Variants in PFKL observed in about 807,000 individuals in gnomAD.
PFKL encodes the protein ATP-dependent 6-phosphofructokinase, liver type.
In PFKL, 74 loss-of-function variants were observed where a neutral mutation model predicts 92.1. The observed-to-expected ratio is 0.80, with a 90% CI of 0.67 to 0.97. The LOEUF is 0.97. PFKL is among the 50% of genes least tolerant of loss of function. The pLI is 0.00. For missense variants in PFKL, 1,028 were observed against 1,116.6 expected, an observed-to-expected ratio of 0.92 and a Z score of 1.13; for synonymous variants, 494 against 456.4, an observed-to-expected ratio of 1.08 and a Z score of -1.05.
At position 44,305,203 on chromosome 21, in the gene PFKL, A is replaced by G. The variant is rs975551484; in HGVS notation, c.86-1478A>G. 11 of 1,234,228 alleles carry G rather than the reference A, an allele frequency of 8.9e-6. No homozygotes were observed. The African/African-American group carries it at 1.7e-4, about 19-fold the overall frequency. 76.5% of individuals were successfully genotyped at this position (1,234,228 alleles called of 1,614,324 possible). A position where few individuals can be genotyped will look rare whatever the true frequency, so the allele number is the denominator to read the frequency against. On this transcript the variant is annotated intron_variant, in intron 1 of 21. Coordinates refer to ENST00000349048, the MANE Select transcript of PFKL (RefSeq NM_002626.6). Reference sequence around the variant, plus strand: ...ATTCCTGTAGTGTGGGGATGGTGGCAGATACTCTGGCTGCTACGTGAGAAC... The same window carrying G: ...ATTCCTGTAGTGTGGGGATGGTGGCGGATACTCTGGCTGCTACGTGAGAAC...
Position 44,327,105 on chromosome 21 carries a change from C to G in PFKL, c.*243C>G, listed in dbSNP as rs1277496613. 1.8e-6 allele frequency: 1 copy of G among 560,744 alleles called. No homozygotes were observed. Among genetic ancestry groups the G allele is most frequent in the Non-Finnish European group, 3.2e-6 (1 of 311,810 alleles). The allele number at this position is 560,744 out of a possible 1,614,324, so 34.7% of individuals were successfully genotyped here. On this transcript the variant is annotated 3_prime_UTR_variant, in exon 22 of 22. Transcript: ENST00000349048. ...GTGCCCTGGGGCATCCACCTTCCTGCCCAGGGGACGTGGCGCTGTCGGTGT... is the reference window on the plus strand; with the variant it reads ...GTGCCCTGGGGCATCCACCTTCCTGGCCAGGGGACGTGGCGCTGTCGGTGT...
At chr21:44,325,346 TCACGGGCACC>T (rs202246110) in intron 19 of PFKL, 82 bp downstream of exon 19, 21,189 of 974,306 alleles carry the variant, frequency 0.022, 389 homozygotes, top group Non-Finnish European at 0.025. Context: ...GTCCCAGCCC[TCACGGGCACC>T]CACGGGCACT....
chr21:44,303,440 A>AAAAAAAAGACTTGATC (rs1601988579), intron 1 of PFKL, among the ~76,000 whole-genome samples: 1 of 68,714 alleles, frequency 1.5e-5, no homozygotes, highest in Non-Finnish European at 2.6e-5. Context: ...GACCAAAAAA[A>AAAAAAAAGACTTGATC]AAAAAAAAAA....
In PFKL at chr21:44,319,392, C is replaced by G; in HGVS notation, c.1104C>G (p.Asp368Glu). ...VQKAMDDKRF[D>E]EATQLRGGSF... The stretch of plus-strand genomic sequence containing the variant: ...AAGCCATGGATGACAAGAGGTTTGA[C>G]GAGGCCACCCAGCTCCGTGGTGGGT... The change falls in exon 11 of 22, where the codon GAC (aspartate) becomes GAG (glutamate). Residue 368 changes from aspartate (D) to glutamate (E), a missense_variant. Asp to Glu is a conservative substitution (Grantham distance 45). Transcript: ENST00000349048. 1.2e-6 allele frequency: 2 copies of G among 1,613,706 alleles called. No individual in the cohort carries two copies. Among genetic ancestry groups the G allele is most frequent in the Non-Finnish European group, 1.7e-6 (2 of 1,179,864 alleles).
rs114229779 is a variant in PFKL, at chr21:44,314,166, G to A, written c.747+145G>A. On this transcript the variant is annotated intron_variant, in intron 7 of 21. Coordinates refer to ENST00000349048, the MANE Select transcript of PFKL (RefSeq NM_002626.6). ...CAGGTGCCCCTTGGGGGCGGGACAC[G>A]CAAGGAGTGGGGGGCTACGGGGCTG... is the stretch of plus-strand genomic sequence containing the variant. The A allele has an allele frequency of 4.8e-3, 3,067 of 644,756 alleles. 62 individuals carry two copies. The African/African-American group carries it at 0.049, about 10-fold the overall frequency. 39.9% of individuals were successfully genotyped at this position (644,756 alleles called of 1,614,324 possible).
Position 44,300,157 on chromosome 21 carries a change from A to G in PFKL, c.52A>G (p.Ile18Val). 8.4e-7 allele frequency: 1 copy of G among 1,185,518 alleles called. No homozygotes were observed. The highest frequency in any genetic ancestry group is 1.9e-5 in the South Asian group (1 of 52,434). The allele number at this position is 1,185,518 out of a possible 1,614,324, so 73.4% of individuals were successfully genotyped here. A position where few individuals can be genotyped will look rare whatever the true frequency, so the allele number is the denominator to read the frequency against. The part of the protein sequence containing the change: ...KLRASGAGKA[I>V]GVLTSGGDAQ... ...GCGGGCGTCGGGCGCGGGCAAGGCCATCGGCGTCCTGACCAGCGGCGGCGA... is the reference window on the plus strand; with the variant it reads ...GCGGGCGTCGGGCGCGGGCAAGGCCGTCGGCGTCCTGACCAGCGGCGGCGA... Residue 18 changes from isoleucine to valine, a missense_variant, in exon 1 of 22, where the codon ATC (isoleucine) becomes GTC (valine). Transcript: ENST00000349048.
intron 6 of PFKL, 28 bp downstream of exon 6, chr21:44,313,710 G>C: frequency 6.2e-7 from 1 of 1,601,574 alleles, no homozygotes; most frequent in Non-Finnish European, 8.5e-7. Flanking sequence ...GGCCCGCTGG[G>C]TGGCCCGGGT....
At position 44,324,505 on chromosome 21, in the gene PFKL, C is replaced by T; in HGVS notation, c.1665C>T (p.Ile555=). Residue 555 remains isoleucine, a synonymous_variant, in exon 17 of 22, where the codon ATC becomes ATT. Coordinates refer to ENST00000349048, the MANE Select transcript of PFKL (RefSeq NM_002626.6). ...TTGTCCCCCAGAGCTGTGACCGCAT[C>T]AAACAGTCTGCCTCGGGGACCAAGC... ...VNAAMESCDR[I]KQSASGTKRR... 1 of 1,613,324 alleles carries T rather than the reference C, an allele frequency of 6.2e-7. No individual in the cohort carries two copies.
intron 2 of PFKL, among the ~76,000 whole-genome samples, chr21:44,307,797 G>A (rs563151936): frequency 2.1e-4 from 32 of 152,212 alleles, no homozygotes; most frequent in Non-Finnish European, 4.3e-4. Flanking sequence ...GGCCTCTCTA[G>A]GCAGGCTGGG....
chr21:44,310,900 C>T, intron 2 of PFKL, 106 bp from the exon 3 acceptor site: 4 of 796,922 alleles, frequency 5.0e-6, no homozygotes, highest in Non-Finnish European at 8.6e-6. Context: ...CAGTCAGCAC[C>T]CTGGTCCTGC....
rs1164888775 is a variant in PFKL at position 44,311,025 on chromosome 21, A to T, written c.179A>T (p.Glu60Val). 1 of 1,613,004 alleles carries T rather than the reference A, an allele frequency of 6.2e-7. No individual in the cohort carries two copies. The highest frequency in any genetic ancestry group is 2.2e-5 in the East Asian group (1 of 44,852). The change falls in exon 3 of 22, where the codon GAG (glutamate) becomes GTG (valine). Residue 60 changes from glutamate (E) to valine (V), a missense_variant. Glu to Val is a moderately radical substitution (Grantham distance 121, BLOSUM62 -2). Coordinates refer to ENST00000349048, the MANE Select transcript of PFKL (RefSeq NM_002626.6). ...TTTCAGGGCTATGAGGGCCTCGTGGAGGGAGGTGAGAACATCAAGCAGGCC... is the reference window on the plus strand; with the variant it reads ...TTTCAGGGCTATGAGGGCCTCGTGGTGGGAGGTGAGAACATCAAGCAGGCC... ...LIYEGYEGLV[E>V]GGENIKQANW...
Position 44,322,119 on chromosome 21 carries a change from TCTC to T in PFKL, c.1339-8_1339-6del, listed in dbSNP as rs2047372313. ...GCTCAGGCTGGCCCCTGAAGCTGCA[TCTC>T]CTCCTGGCAGGTGCAAGAAGTAGGC... On this transcript the variant is annotated splice_polypyrimidine_tract_variant and intron_variant, in intron 13 of 21. Coordinates refer to ENST00000349048, the MANE Select transcript of PFKL (RefSeq NM_002626.6). 6 of 1,600,550 alleles carry T rather than the reference TCTC, an allele frequency of 3.7e-6. No homozygotes were observed. The African/African-American group carries it at 6.7e-5, about 18-fold the overall frequency.
chr21:44,307,666 T>C (rs2040992193), intron 2 of PFKL, among the ~76,000 whole-genome samples: 1 of 152,038 alleles, frequency 6.6e-6, no homozygotes, highest in South Asian at 2.1e-4. Flanking sequence ...TGCAGGACTG[T>C]GTGAATGAAT....
Position 44,326,761 on chromosome 21 carries a change from C to A in PFKL, c.2242C>A (p.Leu748Met). The A allele has an allele frequency of 6.2e-7, 1 of 1,611,376 alleles. No homozygotes were observed. Residue 748 changes from leucine (L) to methionine (M), a missense_variant, in exon 22 of 22, where the codon CTG becomes ATG. Leu to Met is a conservative substitution (Grantham distance 15, BLOSUM62 2). Transcript: ENST00000349048. ...EQWWLSLRLM[L>M]KMLAQYRISM... ...GTGGTGGCTGAGCCTGCGGCTCATG[C>A]TGAAGATGCTGGCACAATACCGCAT...
intron 4 of PFKL, 80 bp from the exon 5 acceptor site, chr21:44,312,898 G>T (rs563423956): frequency 3.3e-5 from 49 of 1,464,130 alleles, no homozygotes; most frequent in Non-Finnish European, 4.6e-5. Context: ...GCGGGGGAAG[G>T]GGTGGCAGGA....
At chr21:44,307,522 C>T (rs1174066939) in intron 2 of PFKL, among the ~76,000 whole-genome samples, 2 of 152,140 alleles carry the variant, frequency 1.3e-5, no homozygotes, top group African/African-American at 4.8e-5. Flanking sequence ...AATGTAGCAA[C>T]CCCAGCTCTG....
At position 44,324,852 on chromosome 21, in the gene PFKL, G is replaced by A. The variant is rs200733011; in HGVS notation, c.1816-4G>A. Reference sequence around the variant, plus strand: ...CGGCTCATCCGTGTCCGCCCCTCCCGCAGGTCAACGTGGAGCACATGACGG... The same window carrying A: ...CGGCTCATCCGTGTCCGCCCCTCCCACAGGTCAACGTGGAGCACATGACGG... On this transcript the variant is annotated splice_polypyrimidine_tract_variant and splice_region_variant and intron_variant, in intron 17 of 21. Transcript: ENST00000349048. The A allele has an allele frequency of 1.3e-4, 201 of 1,606,354 alleles. No homozygotes were observed. Among genetic ancestry groups the A allele is most frequent in the Non-Finnish European group, 1.5e-4 (174 of 1,176,532 alleles).
chr21:44,322,263 TGCAGGTGGGGGCG>T (rs1177298426), intron 14 of PFKL, 60 bp downstream of exon 14: 1 of 1,496,424 alleles, frequency 6.7e-7, no homozygotes, highest in African/African-American at 1.4e-5. Flanking sequence ...ATCCAGGCCC[TGCAGGTGGGGGCG>T]GCAAGGGGAA....
At chr21:44,325,819 CG>C (rs1829956400) in intron 19 of PFKL, 141 bp from the exon 20 acceptor site, 3 of 630,110 alleles carry the variant, frequency 4.8e-6, no homozygotes, top group South Asian at 3.8e-5. Flanking sequence ...CGGGAACAGA[CG>C]GGAACGGTGC....
Sources: allele counts gnomAD v4.1 joint callset (sites outside exome capture counted in the v4.1 genomes callset), GRCh38; gene constraint gnomAD v4.1.1; transcripts MANE v1.5; gene names NCBI Gene and HGNC (gene_info 2026-07-23, HGNC 2026-07-21).